The following FOXP1 variants were observed in gnomAD, a reference collection of about 807,000 sequenced individuals.
The protein encoded by FOXP1 is forkhead box protein P1.
A neutral mutation model predicts 98.2 loss-of-function variants in FOXP1; 15 were observed. The observed-to-expected ratio is 0.15, with a 90% CI of 0.10 to 0.24. FOXP1 has a LOEUF of 0.24. Ranked by LOEUF, FOXP1 falls within the 10% of genes least tolerant of loss-of-function variation. The pLI is 1.00. For synonymous variants in FOXP1, 371 were observed against 314.5 expected, an observed-to-expected ratio of 1.18 and a Z score of -1.90; for missense variants, 633 against 848.5, an observed-to-expected ratio of 0.75 and a Z score of 3.15.
chr3:71,274,925 CT>C (rs2070743190), intron 5 of FOXP1, among the ~76,000 whole-genome samples: 1 of 152,346 alleles, frequency 6.6e-6, no homozygotes, highest in Middle Eastern at 3.4e-3. Flanking sequence ...CTTTGCCATT[CT>C]AGAGCTACGT....
chr3:71,429,137 T>C (rs1031283025), intron 3 of FOXP1, among the ~76,000 whole-genome samples: 1 of 152,160 alleles, frequency 6.6e-6, no homozygotes, highest in African/African-American at 2.4e-5. Flanking sequence ...TCATGCAGGC[T>C]GCCCTCATGC....
intron 3 of FOXP1, among the ~76,000 whole-genome samples, chr3:71,392,389 G>T (rs1439351636): frequency 6.6e-6 from 1 of 152,048 alleles, no homozygotes; most frequent in East Asian, 1.9e-4. Flanking sequence ...TAACAGTCGC[G>T]TTTAAAGAAA....
chr3:70,997,551 T>C (rs138809352), intron 13 of FOXP1, among the ~76,000 whole-genome samples: 5 of 152,306 alleles, frequency 3.3e-5, no homozygotes, highest in African/African-American at 1.2e-4. Flanking sequence ...TTGCTAACAT[T>C]TTCTTATCTA....
At chr3:71,531,217 C>T (rs749633879) in intron 2 of FOXP1, among the ~76,000 whole-genome samples, 2 of 152,328 alleles carry the variant, frequency 1.3e-5, no homozygotes, top group African/African-American at 2.4e-5. Context: ...GGTTCAAATC[C>T]GGGCTTAGGA....
intron 7 of FOXP1, among the ~76,000 whole-genome samples, chr3:71,102,593 C>T (rs1199913145): frequency 1.3e-5 from 2 of 152,198 alleles, no homozygotes; most frequent in Non-Finnish European, 2.9e-5. Flanking sequence ...GAGTAATACC[C>T]GTCTTTCTTC....
At chr3:71,337,659 A>G (rs1400512240) in intron 4 of FOXP1, among the ~76,000 whole-genome samples, 5 of 152,234 alleles carry the variant, frequency 3.3e-5, no homozygotes, top group African/African-American at 1.2e-4. Flanking sequence ...ATTTTATGCC[A>G]TGACACAGCA....
chr3:71,077,653 T>C (rs1040556922), intron 7 of FOXP1, among the ~76,000 whole-genome samples: 6 of 152,160 alleles, frequency 3.9e-5, no homozygotes, highest in Non-Finnish European at 8.8e-5. Flanking sequence ...CCATTACATA[T>C]TGAACTAGCT....
At chr3:71,236,706 C>A (rs1406495170) in intron 5 of FOXP1, among the ~76,000 whole-genome samples, 2 of 151,834 alleles carry the variant, frequency 1.3e-5, no homozygotes, top group East Asian at 1.9e-4. Context: ...CTTATCTCCA[C>A]AAGAGACAAT....
chr3:71,109,227 C>T (rs1041241605), intron 7 of FOXP1, among the ~76,000 whole-genome samples: 2 of 152,182 alleles, frequency 1.3e-5, no homozygotes, highest in Non-Finnish European at 1.5e-5. Context: ...ACTCTCATCT[C>T]CCTGAAATTA....
rs34931369 is a variant in FOXP1 at position 70,982,178 on chromosome 3, AAATT to A, written c.1147-4153_1147-4150del. On this transcript the variant is annotated intron_variant, in intron 14 of 20. Coordinates refer to ENST00000649528, the MANE Select transcript of FOXP1 (RefSeq NM_001349338.3). ...TGAAAAAAGAGTGCCCCCCCAAAAAAAATTAATTACAGACTTAGAACAGAAGAGC... is the reference window on the plus strand; with the variant it reads ...TGAAAAAAGAGTGCCCCCCCAAAAAAAATTACAGACTTAGAACAGAAGAGC... 1.2e-3 allele frequency among the ~76,000 whole-genome samples: 188 copies of A among 152,322 alleles called. 1 individual carries two copies. The highest frequency in any genetic ancestry group is 2.1e-3 in the Non-Finnish European group (141 of 68,032).
intron 6 of FOXP1, among the ~76,000 whole-genome samples, chr3:71,184,237 A>G (rs2062510634): frequency 6.6e-6 from 1 of 152,182 alleles, no homozygotes; most frequent in South Asian, 2.1e-4. Context: ...CCATAGAGCC[A>G]CTCAGTAAAA....
intron 4 of FOXP1, among the ~76,000 whole-genome samples, chr3:71,357,641 G>C (rs758893875): frequency 1.2e-4 from 18 of 152,172 alleles, no homozygotes; most frequent in Admixed American, 1.2e-3. Flanking sequence ...ATGTAAGCAG[G>C]CATCATTGGA....
intron 3 of FOXP1, among the ~76,000 whole-genome samples, chr3:71,406,559 T>G (rs1398559233): frequency 6.6e-6 from 1 of 151,698 alleles, no homozygotes. Context: ...TTTAGCAGCC[T>G]TCTTCTACTT....
At chr3:71,507,117 T>C (rs2107271567) in intron 2 of FOXP1, among the ~76,000 whole-genome samples, 1 of 152,284 alleles carries the variant, frequency 6.6e-6, no homozygotes, top group South Asian at 2.1e-4. Flanking sequence ...TGGTACCAGA[T>C]TTGGGTCAGC....
At chr3:71,224,978 T>C (rs1360723692) in intron 5 of FOXP1, among the ~76,000 whole-genome samples, 1 of 152,180 alleles carries the variant, frequency 6.6e-6, no homozygotes, top group Non-Finnish European at 1.5e-5. Flanking sequence ...AGTGGATGAA[T>C]GAATGATAGA....
chr3:71,553,906 A>T (rs546165078), intron 2 of FOXP1, among the ~76,000 whole-genome samples: 42 of 152,344 alleles, frequency 2.8e-4, no homozygotes, highest in African/African-American at 1.0e-3. Flanking sequence ...AGTTAGCTAC[A>T]GTTTCTATTC....
In FOXP1 at chr3:70,958,518, T is replaced by C. The variant is rs2032403245; in HGVS notation, c.*729A>G. ...ACGAGAAATGACATTCAGCTTTGTATAATAAAAACACCTATTAACATTCAT... is the reference window on the plus strand; with the variant it reads ...ACGAGAAATGACATTCAGCTTTGTACAATAAAAACACCTATTAACATTCAT... On this transcript the variant is annotated 3_prime_UTR_variant, in exon 21 of 21. Transcript: ENST00000649528. The C allele has an allele frequency of 2.9e-6, 1 of 347,402 alleles. No homozygotes were observed. The highest frequency in any genetic ancestry group is 5.5e-6 in the Non-Finnish European group (1 of 181,834). The allele number at this position is 347,402 out of a possible 1,614,324, so 21.5% of individuals were successfully genotyped here.
chr3:71,408,616 G>A (rs972522281), intron 3 of FOXP1, among the ~76,000 whole-genome samples: 3 of 152,274 alleles, frequency 2.0e-5, no homozygotes, highest in East Asian at 3.9e-4. Context: ...TGACTAAAGC[G>A]GAAGCATTTA....
chr3:71,106,257 ATATT>A (rs1182457404), intron 7 of FOXP1, among the ~76,000 whole-genome samples: 1 of 152,256 alleles, frequency 6.6e-6, no homozygotes, highest in East Asian at 1.9e-4. Context: ...TACATATAAA[ATATT>A]AGCATCACAT....
Sources: allele counts gnomAD v4.1 joint callset (sites outside exome capture counted in the v4.1 genomes callset), GRCh38; gene constraint gnomAD v4.1.1; transcripts MANE v1.5; gene names NCBI Gene and HGNC (gene_info 2026-07-23, HGNC 2026-07-21).